LRRC41: variants seen among roughly 807,000 people sequenced by gnomAD.
LRRC41 encodes leucine-rich repeat-containing protein 41.
Under a neutral mutation model 72.1 loss-of-function variants are expected in LRRC41, and 17 were observed. That is an observed-to-expected ratio of 0.24 (90% confidence interval 0.16 to 0.35). LRRC41 has a LOEUF of 0.35. Ranked by LOEUF, LRRC41 falls within the 10% of genes least tolerant of loss-of-function variation. The pLI is 1.00. For synonymous variants in LRRC41, 427 were observed against 431.0 expected, an observed-to-expected ratio of 0.99 and a Z score of 0.11; for missense variants, 759 against 1,065.0, an observed-to-expected ratio of 0.71 and a Z score of 4.00.
Position 46,280,310 on chromosome 1 carries a change from C to G in LRRC41, c.1922-20G>C. 1.9e-6 allele frequency: 3 copies of G among 1,612,338 alleles called. No individual in the cohort carries two copies. The highest frequency in any genetic ancestry group is 2.5e-6 in the Non-Finnish European group (3 of 1,178,350). On this transcript the variant is annotated intron_variant, in intron 6 of 9. Coordinates refer to ENST00000617190, the MANE Select transcript of LRRC41 (RefSeq NM_006369.5). ...TGTACTCTGGATAGGAGGCAGAGAC[C>G]ATGGACCATGGACCTTAGCTTTCCT...
chr1:46,279,170 C>G lies in LRRC41; in HGVS notation c.2219+12G>C, dbSNP rs1446480855. On this transcript the variant is annotated intron_variant, in intron 9 of 9. Coordinates refer to ENST00000617190, the MANE Select transcript of LRRC41 (RefSeq NM_006369.5). This position sits in a 1 kb window ranked among gnomAD's most constrained non-coding sequence, Gnocchi z 4.5. ...TAGCCCCATCCCTTGTCTTGCCCCT[C>G]CCCTCATGTACCTGATGTCCAGCTG... is the stretch of plus-strand genomic sequence containing the variant. 1.2e-6 allele frequency: 2 copies of G among 1,613,856 alleles called. No individual in the cohort carries two copies. Among genetic ancestry groups the G allele is most frequent in the Admixed American group, 1.7e-5 (1 of 59,986 alleles).
chr1:46,281,158 G>A lies in LRRC41; in HGVS notation c.1723C>T (p.Pro575Ser), dbSNP rs2148312730. Residue 575 changes from proline (P) to serine (S), a missense_variant, in exon 5 of 10, where the codon CCT becomes TCT. By Grantham distance (74) the Pro-to-Ser change is moderately conservative (BLOSUM62 -1). This residue lies in a region of LRRC41 where 427 missense variants were observed against 520.9 expected (regional missense o/e 0.82). Transcript: ENST00000617190. ...NPGVPGNAGPPSHIIGDEEIP... is the reference protein window; with the variant it reads ...NPGVPGNAGPSSHIIGDEEIP... The stretch of plus-strand genomic sequence containing the variant: ...TCCTCATCGCCTATTATGTGGCTAG[G>A]GGGCCCTGCATTCCCTGGCACACCA... 6.2e-7 allele frequency: 1 copy of A among 1,614,092 alleles called. No individual in the cohort carries two copies. The highest frequency in any genetic ancestry group is 8.5e-7 in the Non-Finnish European group (1 of 1,179,960).
At position 46,279,363 on chromosome 1, in the gene LRRC41, C is replaced by A; in HGVS notation, c.2144-106G>T. The A allele has an allele frequency of 6.4e-7, 1 of 1,573,416 alleles. No individual in the cohort carries two copies. The highest frequency in any genetic ancestry group is 8.7e-7 in the Non-Finnish European group (1 of 1,143,452). On this transcript the variant is annotated intron_variant, in intron 8 of 9. Coordinates refer to ENST00000617190, the MANE Select transcript of LRRC41 (RefSeq NM_006369.5). This position sits in a 1 kb window ranked among gnomAD's most constrained non-coding sequence, Gnocchi z 4.5. ...AACCAGCCCTGCTGGTTCCTGAAGC[C>A]CCAGCACAGAAATATCTGTATTCCA...
At chr1:46,281,648 TG>T (rs931503745) in intron 4 of LRRC41, among the ~76,000 whole-genome samples, 29 of 152,268 alleles carry the variant, frequency 1.9e-4, no homozygotes, top group African/African-American at 7.0e-4. Flanking sequence ...TACAATATGG[TG>T]AGGCAGCATG....
Position 46,278,871 on chromosome 1 carries a change from G to C in LRRC41, c.2433C>G (p.Thr811=). 1 of 1,608,150 alleles carries C rather than the reference G, an allele frequency of 6.2e-7. No individual in the cohort carries two copies. Among genetic ancestry groups the C allele is most frequent in the Non-Finnish European group, 8.5e-7 (1 of 1,177,824 alleles). Reference sequence around the variant, plus strand: ...CTGTGAGGTACGGGCCCCATCACATGGTGCTAACATAATCTGCGAAGGCCT... The same window carrying C: ...CTGTGAGGTACGGGCCCCATCACATCGTGCTAACATAATCTGCGAAGGCCT... The part of the protein sequence containing the change: ...SSQAFADYVS[T]M The change falls in exon 10 of 10, where the codon ACC becomes ACG. Residue 811 remains threonine (T), a synonymous_variant. Transcript: ENST00000617190.
intron 3 of LRRC41, among the ~76,000 whole-genome samples, chr1:46,292,913 C>G (rs963579061): frequency 6.6e-6 from 1 of 152,098 alleles, no homozygotes; most frequent in Non-Finnish European, 1.5e-5. Context: ...CGGCTGGGCA[C>G]GGTGGCTCAC....
chr1:46,281,446 C>G lies in LRRC41; in HGVS notation c.1496-61G>C, dbSNP rs79129977. ...GGAGTGTCAGCAGGGGTAATATATT[C>G]AAATACAACTCCAAATACTTTTGGT... On this transcript the variant is annotated intron_variant, in intron 4 of 9. Transcript: ENST00000617190. 4.4e-4 allele frequency: 668 copies of G among 1,504,330 alleles called. 7 individuals are homozygous for G. In the East Asian group the frequency reaches 0.011, roughly 26 times the overall value. The allele number at this position is 1,504,330 out of a possible 1,614,324, so 93.2% of individuals were successfully genotyped here. A position where few individuals can be genotyped will look rare whatever the true frequency, so the allele number is the denominator to read the frequency against.
At position 46,281,366 on chromosome 1, in the gene LRRC41, GAAGATGTTAGAGCCCAGGCCTATGGC is replaced by G; in HGVS notation, c.1496-7_1514del. On this transcript the variant is annotated splice_acceptor_variant and splice_polypyrimidine_tract_variant and coding_sequence_variant and intron_variant, in exon 5 of 10. Transcript: ENST00000617190. LOFTEE classifies it high-confidence loss of function. ...GGGCCCGCAGGCTGTCTAGCAGGCG[GAAGATGTTAGAGCCCAGGCCTATGGC>G]AAGAAAGAGATTAAGTCAGAACCAT... 1 of 1,614,176 alleles carries G rather than the reference GAAGATGTTAGAGCCCAGGCCTATGGC, an allele frequency of 6.2e-7. No individual in the cohort carries two copies. The highest frequency in any genetic ancestry group is 8.5e-7 in the Non-Finnish European group (1 of 1,180,014).
intron 3 of LRRC41, among the ~76,000 whole-genome samples, chr1:46,290,924 T>TG (rs1553171427): frequency 8.1e-6 from 1 of 123,128 alleles, no homozygotes; most frequent in Non-Finnish European, 1.7e-5. Context: ...TAGTTTTTTT[T>TG]TTTTTTTTTT....
Position 46,278,513 on chromosome 1 carries a change from AG to A in LRRC41, c.*351del. On this transcript the variant is annotated 3_prime_UTR_variant, in exon 10 of 10. Coordinates refer to ENST00000617190, the MANE Select transcript of LRRC41 (RefSeq NM_006369.5). Reference sequence around the variant, plus strand: ...AGTGTGGTAAGCCCAGCAGGGAAGAAGCCCCCTATACTTCTCTAAAGCCTGG... The same window carrying A: ...AGTGTGGTAAGCCCAGCAGGGAAGAACCCCCTATACTTCTCTAAAGCCTGG... 1 of 635,180 alleles carries A rather than the reference AG, an allele frequency of 1.6e-6. No homozygotes were observed. 39.3% of individuals were successfully genotyped at this position (635,180 alleles called of 1,614,324 possible).
Position 46,285,697 on chromosome 1 carries a change from G to T in LRRC41, c.1160C>A (p.Pro387His). The change falls in exon 4 of 10, where the codon CCC becomes CAC. Residue 387 changes from proline (P) to histidine (H), a missense_variant. This residue lies in a region of LRRC41 where 427 missense variants were observed against 520.9 expected (regional missense o/e 0.82). Coordinates refer to ENST00000617190, the MANE Select transcript of LRRC41 (RefSeq NM_006369.5). This position sits in a 1 kb window ranked among gnomAD's most constrained non-coding sequence, Gnocchi z 5.3. ...APASSAPQPK[P>H]LKRFKRAAGK... ...TGCAGCTCGCTTGAAACGCTTTAGG[G>T]GCTTAGGCTGTGGGGCTGAGCTAGC... 6.2e-7 allele frequency: 1 copy of T among 1,613,672 alleles called. No homozygotes were observed. Among genetic ancestry groups the T allele is most frequent in the Non-Finnish European group, 8.5e-7 (1 of 1,179,798 alleles).
chr1:46,294,640 G>A (rs1028963093), intron 3 of LRRC41, among the ~76,000 whole-genome samples: 7 of 147,682 alleles, frequency 4.7e-5, no homozygotes, highest in African/African-American at 1.5e-4. Flanking sequence ...TGTTGCCCAG[G>A]CTGGAGTGCA....
chr1:46,280,323 C>A, intron 6 of LRRC41, 33 bp from the exon 7 acceptor site: 2 of 1,611,820 alleles, frequency 1.2e-6, no homozygotes, highest in Non-Finnish European at 1.7e-6. Context: ...GGACCATGGA[C>A]CTTAGCTTTC....
chr1:46,281,485 CTT>C (rs1660773770), intron 4 of LRRC41, 100 bp from the exon 5 acceptor site: 1 of 1,193,990 alleles, frequency 8.4e-7, no homozygotes, highest in Non-Finnish European at 1.2e-6. Flanking sequence ...TAGCAAATCT[CTT>C]GGGCTTTGGC....
At position 46,281,176 on chromosome 1, in the gene LRRC41, G is replaced by C; in HGVS notation, c.1705C>G (p.Pro569Ala). 1 of 1,614,052 alleles carries C rather than the reference G, an allele frequency of 6.2e-7. No homozygotes were observed. The highest frequency in any genetic ancestry group is 2.2e-5 in the East Asian group (1 of 44,896). ...TGGCTAGGGGGCCCTGCATTCCCTGGCACACCAGGGTTGTCCCGCTGGCTT... is the reference window on the plus strand; with the variant it reads ...TGGCTAGGGGGCCCTGCATTCCCTGCCACACCAGGGTTGTCCCGCTGGCTT... Reference protein sequence around the residue: ...HPSQRDNPGVPGNAGPPSHII... With the variant: ...HPSQRDNPGVAGNAGPPSHII... Residue 569 changes from proline (P) to alanine (A), a missense_variant, in exon 5 of 10, where the codon CCA (proline) becomes GCA (alanine). Physicochemically the swap from Pro to Ala is conservative, Grantham distance 27 (BLOSUM62 -1). Coordinates refer to ENST00000617190, the MANE Select transcript of LRRC41 (RefSeq NM_006369.5).
At chr1:46,292,904 G>C (rs900482711) in intron 3 of LRRC41, among the ~76,000 whole-genome samples, 1 of 152,066 alleles carries the variant, frequency 6.6e-6, no homozygotes, top group East Asian at 1.9e-4. Context: ...TAGCACTCTC[G>C]GCTGGGCACG....
chr1:46,297,210 A>G (rs180762533), intron 3 of LRRC41: 134 of 199,438 alleles, frequency 6.7e-4, no homozygotes, highest in Admixed American at 1.3e-3. Context: ...TCCCGATACC[A>G]TGCAATTGGA....
rs1661248917 is a variant in LRRC41, at chr1:46,302,198, C to A, written c.199+926G>T. 1 of 985,316 alleles carries A rather than the reference C, an allele frequency of 1.0e-6. No homozygotes were observed. The highest frequency in any genetic ancestry group is 6.1e-5 in the Admixed American group (1 of 16,274). The allele number at this position is 985,316 out of a possible 1,614,324, so 61.0% of individuals were successfully genotyped here. A position where few individuals can be genotyped will look rare whatever the true frequency, so the allele number is the denominator to read the frequency against. On this transcript the variant is annotated intron_variant, in intron 1 of 9. Transcript: ENST00000617190. This position sits in a 1 kb window ranked among gnomAD's most constrained non-coding sequence, Gnocchi z 4.7. Reference sequence around the variant, plus strand: ...CCTGGGGCCCCCGTTCACTCCCATTCAGCCCAAGGCCTCTTGGCGGCGCCG... The same window carrying A: ...CCTGGGGCCCCCGTTCACTCCCATTAAGCCCAAGGCCTCTTGGCGGCGCCG...
At position 46,285,334 on chromosome 1, in the gene LRRC41, C is replaced by T; in HGVS notation, c.1495+28G>A. 6.2e-7 allele frequency: 1 copy of T among 1,610,512 alleles called. No individual in the cohort carries two copies. Among genetic ancestry groups the T allele is most frequent in the Non-Finnish European group, 8.5e-7 (1 of 1,178,356 alleles). ...GCTGGTGCTGCTAGGCAATCTAAGC[C>T]CAATCCCTGCCACTCCAGGGTGCTC... On this transcript the variant is annotated intron_variant, in intron 4 of 9. Coordinates refer to ENST00000617190, the MANE Select transcript of LRRC41 (RefSeq NM_006369.5). This position sits in a 1 kb window ranked among gnomAD's most constrained non-coding sequence, Gnocchi z 5.3.
Sources: gnomAD v4.1 joint callset for allele counts (sites outside exome capture counted in the v4.1 genomes callset) on GRCh38, gnomAD v4.1.1 for gene constraint, gnomAD v4.1.1 regional missense constraint, Gnocchi (gnomAD v3.1) non-coding constraint, MANE v1.5 for transcripts, NCBI Gene and HGNC (gene_info 2026-07-23, HGNC 2026-07-21) for gene names.